FTO: variants seen among roughly 807,000 people sequenced by gnomAD.
FTO encodes alpha-ketoglutarate-dependent dioxygenase FTO.
Under a neutral mutation model 63.9 loss-of-function variants are expected in FTO, and 47 were observed. That is an observed-to-expected ratio of 0.74 (90% CI 0.58 to 0.94). The LOEUF is 0.94. Among genes scored for constraint, FTO ranks in the 40% least tolerant of loss-of-function variants. The probability of loss-of-function intolerance (pLI) is 0.00; values close to 1 mark genes in which losing one functional copy is unlikely to be tolerated. For synonymous variants in FTO, 207 were observed against 224.4 expected (o/e 0.92, Z 0.69); for missense variants, 562 against 618.1 (o/e 0.91, Z 0.96).
At chr16:53,999,241 C>G (rs187091472) in intron 8 of FTO, among the ~76,000 whole-genome samples, 284 of 152,288 alleles carry the variant, frequency 1.9e-3, no homozygotes, top group Non-Finnish European at 2.7e-3. Context: ...TACCCAAGAC[C>G]AAAACCTGTC....
chr16:53,708,194 T>C (rs2075673527), intron 1 of FTO, among the ~76,000 whole-genome samples: 1 of 152,234 alleles, frequency 6.6e-6, no homozygotes, highest in Non-Finnish European at 1.5e-5. Flanking sequence ...GGTGAAACCC[T>C]GTCTCTACTA....
At chr16:54,039,048 C>T (rs1353058827) in intron 8 of FTO, among the ~76,000 whole-genome samples, 1 of 152,150 alleles carries the variant, frequency 6.6e-6, no homozygotes, top group Admixed American at 6.5e-5. Flanking sequence ...TGGGCGGCCT[C>T]CTGTTAACAC....
chr16:54,021,584 G>A (rs2084603594), intron 8 of FTO, among the ~76,000 whole-genome samples: 1 of 152,162 alleles, frequency 6.6e-6, no homozygotes. Context: ...CCGCCTCCTG[G>A]GTTCAAGCAA....
rs576516199 is a variant in FTO, at chr16:53,793,368, G to C, written c.46-16772G>C. On this transcript the variant is annotated intron_variant, in intron 1 of 8. Transcript: ENST00000471389. ...TATGTTCTTAAAATTGACGATTATA[G>C]GTAAGAAGACCAAGTTTGTGAGACA... Among the ~76,000 whole-genome samples the C allele has an allele frequency of 5.9e-5, 9 of 152,080 alleles. No individual in the cohort carries two copies. The East Asian group carries it at 1.5e-3, about 26-fold the overall frequency.
At chr16:54,015,586 C>CA (rs1567517922) in intron 8 of FTO, among the ~76,000 whole-genome samples, 1 of 151,888 alleles carries the variant, frequency 6.6e-6, no homozygotes. Flanking sequence ...CTTTGAAAAA[C>CA]AAAAAAGGAT....
intron 4 of FTO, among the ~76,000 whole-genome samples, chr16:53,866,515 G>C (rs2080320623): frequency 6.6e-6 from 1 of 152,088 alleles, no homozygotes; most frequent in African/African-American, 2.4e-5. Flanking sequence ...TGGCGCTTTG[G>C]AAACATGTTA....
At chr16:54,042,906 A>G (rs1328108955) in intron 8 of FTO, among the ~76,000 whole-genome samples, 3 of 80,370 alleles carry the variant, frequency 3.7e-5, no homozygotes, top group Non-Finnish European at 6.1e-5. Context: ...CCTGTCTGTT[A>G]CAAGGAAAAC....
At chr16:53,803,316 C>T (rs182778363) in intron 1 of FTO, among the ~76,000 whole-genome samples, 20 of 152,248 alleles carry the variant, frequency 1.3e-4, no homozygotes, top group Admixed American at 1.0e-3. Flanking sequence ...AGTGTTCTTC[C>T]TGATGTTTTC....
At chr16:53,761,135 TGC>T in intron 1 of FTO, among the ~76,000 whole-genome samples, 1 of 151,922 alleles carries the variant, frequency 6.6e-6, no homozygotes, top group East Asian at 1.9e-4. Flanking sequence ...CTTGCTCTGT[TGC>T]CCAGTCTGGT....
At position 54,027,993 on chromosome 16, in the gene FTO, G is replaced by A. The variant is rs545070055; in HGVS notation, c.1365-83769G>A. Among the ~76,000 whole-genome samples, 7 of 139,842 alleles carry A rather than the reference G, an allele frequency of 5.0e-5. No individual in the cohort carries two copies. In the South Asian group the frequency reaches 1.7e-3, roughly 34 times the overall value. The allele number at this position is 139,842 out of a possible 152,430, so 91.7% of individuals were successfully genotyped here. On this transcript the variant is annotated intron_variant, in intron 8 of 8. Coordinates refer to ENST00000471389, the MANE Select transcript of FTO (RefSeq NM_001080432.3). ...ATTTTACTAGCAACTTCTGGAGTTT[G>A]TGTTTTTTTTTGTTTTGGGGGGCTT...
chr16:53,711,399 AC>A, intron 1 of FTO: 2 of 398,558 alleles, frequency 5.0e-6, no homozygotes, highest in Non-Finnish European at 8.8e-6. Flanking sequence ...TGTACTCAGC[AC>A]CAGGGTAAAG....
At chr16:54,010,532 A>T (rs892220305) in intron 8 of FTO, among the ~76,000 whole-genome samples, 1 of 151,956 alleles carries the variant, frequency 6.6e-6, no homozygotes, top group Non-Finnish European at 1.5e-5. Context: ...TAGTTGTAAT[A>T]GTCAGGAGAA....
intron 8 of FTO, among the ~76,000 whole-genome samples, chr16:54,056,131 A>G (rs1353171358): frequency 6.6e-6 from 1 of 152,220 alleles, no homozygotes; most frequent in African/African-American, 2.4e-5. Flanking sequence ...AGCATGCATG[A>G]TATCACAATC....
intron 5 of FTO, among the ~76,000 whole-genome samples, chr16:53,879,154 T>C (rs757228503): frequency 3.3e-5 from 5 of 152,230 alleles, no homozygotes; most frequent in Admixed American, 6.5e-5. Flanking sequence ...ATTCATCCAA[T>C]AATTATTTAT....
intron 8 of FTO, among the ~76,000 whole-genome samples, chr16:54,073,080 G>T (rs2085905877): frequency 6.6e-6 from 1 of 152,178 alleles, no homozygotes; most frequent in Non-Finnish European, 1.5e-5. Flanking sequence ...CACATAGTAG[G>T]TTCTCAATCA....
intron 7 of FTO, among the ~76,000 whole-genome samples, chr16:53,911,044 G>T (rs1172235125): frequency 6.6e-6 from 1 of 152,244 alleles, no homozygotes; most frequent in Non-Finnish European, 1.5e-5. Flanking sequence ...CAGAAGAGCT[G>T]AAAATACCAG....
chr16:53,830,889 C>T (rs2079125525), intron 3 of FTO, among the ~76,000 whole-genome samples: 1 of 152,138 alleles, frequency 6.6e-6, no homozygotes, highest in African/African-American at 2.4e-5. Flanking sequence ...GAGTGAGATT[C>T]CGTCTCAAAA....
At chr16:54,037,718 CAT>C (rs1198241624) in intron 8 of FTO, among the ~76,000 whole-genome samples, 1 of 152,060 alleles carries the variant, frequency 6.6e-6, no homozygotes, top group African/African-American at 2.4e-5. Context: ...TTTAGAAAAA[CAT>C]AGATAGTATT....
intron 1 of FTO, among the ~76,000 whole-genome samples, chr16:53,756,548 T>C (rs1457316998): frequency 6.6e-6 from 1 of 152,216 alleles, no homozygotes. Context: ...TTAGATAACA[T>C]GTACTACAAT....
Sources: gnomAD v4.1 joint callset for allele counts (sites outside exome capture counted in the v4.1 genomes callset) on GRCh38, gnomAD v4.1.1 for gene constraint, MANE v1.5 for transcripts, NCBI Gene and HGNC (gene_info 2026-07-23, HGNC 2026-07-21) for gene names.